ZNF567: variants seen among roughly 807,000 people sequenced by gnomAD.
The protein encoded by ZNF567 is zinc finger protein 567.
A neutral mutation model predicts 53.9 loss-of-function variants in ZNF567; 36 were observed. That is an observed-to-expected ratio of 0.67 (90% confidence interval 0.51 to 0.88). ZNF567 has a LOEUF of 0.88. Among genes scored for constraint, ZNF567 ranks in the 40% least tolerant of loss-of-function variants. ZNF567 has a pLI of 0.00. For synonymous variants in ZNF567, 224 were observed against 260.4 expected (o/e 0.86, Z 1.35); for missense variants, 619 against 764.7 (o/e 0.81, Z 2.25).
At chr19:36,703,380 C>T (rs1049285193) in intron 3 of ZNF567, among the ~76,000 whole-genome samples, 8 of 152,098 alleles carry the variant, frequency 5.3e-5, no homozygotes, top group Non-Finnish European at 1.2e-4. Flanking sequence ...GGTCAGGGGT[C>T]AGGGACCCAC....
chr19:36,710,711 C>T (rs889596899), intron 3 of ZNF567, among the ~76,000 whole-genome samples: 2 of 152,056 alleles, frequency 1.3e-5, no homozygotes, highest in Admixed American at 1.3e-4. Context: ...TGGGGGCTCA[C>T]GTCCTGCATT....
chr19:36,723,267 C>T (rs1398378557), downstream of ZNF567: 1 of 702,478 alleles, frequency 1.4e-6, no homozygotes, highest in South Asian at 1.5e-5. Context: ...GTCACATTCT[C>T]TGGGACATTC....
At chr19:36,708,540 G>C (rs759997514) in intron 3 of ZNF567, among the ~76,000 whole-genome samples, 1 of 152,172 alleles carries the variant, frequency 6.6e-6, no homozygotes, top group Non-Finnish European at 1.5e-5. Flanking sequence ...TGTGGGTTTT[G>C]ACAAATATAT....
downstream of ZNF567, chr19:36,727,340 G>A (rs2145943427): frequency 6.6e-6 from 1 of 151,186 alleles, no homozygotes. Context: ...CCAAAGTGCT[G>A]GGATTACAGG....
upstream of ZNF567, chr19:36,686,860 A>G (rs1427321983): frequency 6.6e-6 from 1 of 152,238 alleles, no homozygotes; most frequent in African/African-American, 2.4e-5. Context: ...AGAGCCCAAG[A>G]AACAATCGAG....
At chr19:36,674,995 A>G in the ZNF567 span, among the ~76,000 whole-genome samples, 1 of 152,144 alleles carries the variant, frequency 6.6e-6, no homozygotes, top group East Asian at 1.9e-4. Context: ...TCAAGTGATC[A>G]GTCCACCTCA....
intron 3 of ZNF567, among the ~76,000 whole-genome samples, chr19:36,698,208 AATG>A (rs1271935105): frequency 1.3e-5 from 2 of 151,980 alleles, no homozygotes; most frequent in Non-Finnish European, 2.9e-5. Flanking sequence ...GTTTACGGAG[AATG>A]ATGATTTCCA....
At chr19:36,669,894 C>T in the ZNF567 span, among the ~76,000 whole-genome samples, 7 of 152,186 alleles carry the variant, frequency 4.6e-5, no homozygotes, top group Non-Finnish European at 1.0e-4. Flanking sequence ...CTTCCACTTA[C>T]ACAAATCAAT....
chr19:36,709,036 T>C (rs2039640976), intron 3 of ZNF567, among the ~76,000 whole-genome samples: 1 of 152,234 alleles, frequency 6.6e-6, no homozygotes, highest in Admixed American at 6.5e-5. Context: ...AATACCTGTC[T>C]TTTACTTTTT....
rs941479178 is a variant in ZNF567, at chr19:36,720,129, A to G, written c.1405A>G (p.Arg469Gly). Residue 469 changes from arginine to glycine, a missense_variant, in exon 6 of 6, where the codon AGA (arginine) becomes GGA (glycine). By Grantham distance (125) the Arg-to-Gly change is moderately radical. Coordinates refer to ENST00000682579, the MANE Select transcript of ZNF567 (RefSeq NM_001322917.1). ...GAAGACAACCCTTGTAGCACATCAG[A>G]GAACACATACAGGGGAGAAATCTTA... ...RQKTTLVAHQ[R>G]THTGEKSYEC... 1 of 1,613,984 alleles carries G rather than the reference A, an allele frequency of 6.2e-7. No individual in the cohort carries two copies. The highest frequency in any genetic ancestry group is 1.3e-5 in the African/African-American group (1 of 74,894).
chr19:36,722,667 G>T (rs2040314482), downstream of ZNF567, among the ~76,000 whole-genome samples: 1 of 152,192 alleles, frequency 6.6e-6, no homozygotes. Flanking sequence ...ATGGTTCAGG[G>T]TTCAAATATT....
At chr19:36,671,073 G>A in the ZNF567 span, among the ~76,000 whole-genome samples, 14 of 152,326 alleles carry the variant, frequency 9.2e-5, no homozygotes, top group East Asian at 2.7e-3. Flanking sequence ...CTGCACTCCA[G>A]CCTGGGCGAC....
intron 3 of ZNF567, among the ~76,000 whole-genome samples, chr19:36,696,792 G>C (rs927824149): frequency 6.6e-6 from 1 of 152,076 alleles, no homozygotes; most frequent in Non-Finnish European, 1.5e-5. Flanking sequence ...GTGCTTTTGT[G>C]TTTAACTTTT....
At chr19:36,707,314 G>A (rs1315225612) in intron 3 of ZNF567, among the ~76,000 whole-genome samples, 1 of 152,146 alleles carries the variant, frequency 6.6e-6, no homozygotes, top group African/African-American at 2.4e-5. Context: ...CAGGCATGAT[G>A]CCTGGTTTTG....
intron 5 of ZNF567, among the ~76,000 whole-genome samples, chr19:36,714,657 T>A (rs1343202641): frequency 6.6e-6 from 1 of 152,228 alleles, no homozygotes; most frequent in African/African-American, 2.4e-5. Context: ...CAACCCAGGT[T>A]GATAAAGTCA....
At chr19:36,702,019 C>T (rs1222127341) in intron 3 of ZNF567, among the ~76,000 whole-genome samples, 15 of 151,850 alleles carry the variant, frequency 9.9e-5, no homozygotes, top group African/African-American at 2.2e-4. Context: ...TTCCTAGTCT[C>T]GATGGTCTTT....
intron 1 of ZNF567, among the ~76,000 whole-genome samples, chr19:36,688,317 A>C (rs1306157904): frequency 6.6e-6 from 1 of 152,108 alleles, no homozygotes; most frequent in Non-Finnish European, 1.5e-5. Context: ...TGAATGTGGC[A>C]CACTGTGTGA....
intron 3 of ZNF567, among the ~76,000 whole-genome samples, chr19:36,703,164 G>A (rs10409630): frequency 0.62 from 93,993 of 150,896 alleles, 29,294 homozygotes; most frequent in East Asian, 0.79. Flanking sequence ...TCAGCTGCAG[G>A]TCTGTTGGAG....
At chr19:36,718,342 A>T (rs2040157929) in intron 5 of ZNF567, among the ~76,000 whole-genome samples, 1 of 152,120 alleles carries the variant, frequency 6.6e-6, no homozygotes, top group African/African-American at 2.4e-5. Context: ...TACTAAAAAT[A>T]CAAAAAATTA....
Sources: allele counts gnomAD v4.1 joint callset (sites outside exome capture counted in the v4.1 genomes callset), GRCh38; gene constraint gnomAD v4.1.1; transcripts MANE v1.5; gene names NCBI Gene and HGNC (gene_info 2026-07-23, HGNC 2026-07-21).